Variants in VPS37A observed in about 807,000 individuals in gnomAD.
VPS37A encodes VPS37A subunit of ESCRT-I.
In VPS37A, 30 loss-of-function variants were observed where a neutral mutation model predicts 49.8. The ratio of observed to expected loss-of-function variants is 0.60; its 90% CI spans 0.45 to 0.82. The LOEUF (loss-of-function observed/expected upper bound fraction) is 0.82. Ranked by LOEUF, VPS37A falls within the 40% of genes least tolerant of loss-of-function variation. VPS37A has a pLI of 0.00. For missense variants in VPS37A, 593 were observed against 464.4 expected, an observed-to-expected ratio of 1.28 and a Z score of -2.55; for synonymous variants, 195 against 160.6, an observed-to-expected ratio of 1.21 and a Z score of -1.62.
chr8:17,277,056 A>G (rs1427443130), intron 6 of VPS37A, among the ~76,000 whole-genome samples: 2 of 152,084 alleles, frequency 1.3e-5, no homozygotes, highest in Non-Finnish European at 2.9e-5. Context: ...GATACTCATA[A>G]GGCTCTTATT....
At chr8:17,301,506 C>G (rs955900073), downstream of VPS37A, 2 of 152,134 alleles carry the variant, frequency 1.3e-5, no homozygotes, top group Non-Finnish European at 2.9e-5. Flanking sequence ...GAAAATAAAG[C>G]TGAAAAGAGA....
chr8:17,305,782 T>C (rs775057186), downstream of VPS37A: 1 of 1,613,118 alleles, frequency 6.2e-7, no homozygotes, highest in East Asian at 2.2e-5. Flanking sequence ...TCCTTTTGGC[T>C]GTTACATAGG....
chr8:17,274,163 T>A (rs1225443881), intron 4 of VPS37A, among the ~76,000 whole-genome samples: 3 of 152,264 alleles, frequency 2.0e-5, no homozygotes, highest in African/African-American at 7.2e-5. Context: ...TGTTCTGTGA[T>A]TGAATCCAAA....
chr8:17,320,940 A>C, the VPS37A span, among the ~76,000 whole-genome samples: 3 of 152,164 alleles, frequency 2.0e-5, no homozygotes, highest in African/African-American at 7.2e-5. Context: ...CCACTGCGTG[A>C]AGTCTCAGGA....
the VPS37A span, chr8:17,309,268 AT>A: frequency 6.6e-7 from 1 of 1,503,930 alleles, no homozygotes; most frequent in Non-Finnish European, 9.2e-7. Flanking sequence ...AGTCTTAAAT[AT>A]TACTTACCGG....
chr8:17,247,931 C>T, intron 1 of VPS37A: 1 of 610,772 alleles, frequency 1.6e-6, no homozygotes, highest in Non-Finnish European at 2.9e-6. Context: ...CATCTCACAG[C>T]GACCAGTGCA....
intron 2 of VPS37A, among the ~76,000 whole-genome samples, chr8:17,266,927 C>T (rs1158443832): frequency 6.6e-6 from 1 of 152,058 alleles, no homozygotes; most frequent in African/African-American, 2.4e-5. Context: ...CACGCCCCAC[C>T]ATGCCCGGCT....
At position 17,247,279 on chromosome 8, in the gene VPS37A, C is replaced by A; in HGVS notation, c.35C>A (p.Ser12Tyr). ...CTTTTTCCCCTGACCAAGAGCGCCT[C>A]CTCCTCCGCGGCTGGGTCCCCCGGT... ...SWLFPLTKSASSSAAGSPGGL... is the reference protein window; with the variant it reads ...SWLFPLTKSAYSSAAGSPGGL... The change falls in exon 1 of 12, where the codon TCC (serine) becomes TAC (tyrosine). Residue 12 changes from serine (S) to tyrosine (Y), a missense_variant. By Grantham distance (144) the Ser-to-Tyr change is moderately radical. Coordinates refer to ENST00000324849, the MANE Select transcript of VPS37A (RefSeq NM_152415.3). 2 of 1,567,908 alleles carry A rather than the reference C, an allele frequency of 1.3e-6. No homozygotes were observed. Among genetic ancestry groups the A allele is most frequent in the African/African-American group, 1.4e-5 (1 of 73,830 alleles).
chr8:17,253,189 C>G (rs1320732567), intron 1 of VPS37A, among the ~76,000 whole-genome samples: 1 of 152,190 alleles, frequency 6.6e-6, no homozygotes, highest in Non-Finnish European at 1.5e-5. Context: ...CCCCTCCCCC[C>G]AACCTGAACT....
At chr8:17,322,396 T>C in the VPS37A span, among the ~76,000 whole-genome samples, 4 of 152,234 alleles carry the variant, frequency 2.6e-5, no homozygotes, top group African/African-American at 9.6e-5. Context: ...TATTAGTATA[T>C]ATGAATGTGA....
At chr8:17,320,899 G>A in the VPS37A span, among the ~76,000 whole-genome samples, 1 of 152,176 alleles carries the variant, frequency 6.6e-6, no homozygotes, top group Admixed American at 6.5e-5. Context: ...ATGCCCCAAA[G>A]TGTTCAACTT....
intron 4 of VPS37A, chr8:17,272,084 A>G (rs755711943): frequency 8.8e-6 from 4 of 456,702 alleles, no homozygotes; most frequent in South Asian, 3.1e-5. Flanking sequence ...TGTTTTCCAT[A>G]TTATTGCATG....
At chr8:17,309,156 C>G in the VPS37A span, 2 of 678,842 alleles carry the variant, frequency 2.9e-6, no homozygotes, top group Non-Finnish European at 5.1e-6. Context: ...AAAATTTAAG[C>G]TTTCTGAATA....
At chr8:17,305,533 A>G (rs1381940808), downstream of VPS37A, among the ~76,000 whole-genome samples, 1 of 152,316 alleles carries the variant, frequency 6.6e-6, no homozygotes, top group Non-Finnish European at 1.5e-5. Context: ...CAAGCTGTCT[A>G]TCAGGCAGAA....
downstream of VPS37A, among the ~76,000 whole-genome samples, chr8:17,305,535 C>T (rs1361608807): frequency 6.6e-6 from 1 of 152,152 alleles, no homozygotes; most frequent in Non-Finnish European, 1.5e-5. Flanking sequence ...AGCTGTCTAT[C>T]AGGCAGAAAC....
chr8:17,332,246 C>T, the VPS37A span, among the ~76,000 whole-genome samples: 1 of 152,158 alleles, frequency 6.6e-6, no homozygotes, highest in African/African-American at 2.4e-5. Context: ...CTTTTAAAAG[C>T]ACAGTGCACA....
Position 17,265,968 on chromosome 8 carries a change from A to T in VPS37A, c.187A>T (p.Ile63Phe). ...GCCATTCACCATAAACAACCTGACA[A>T]TTAACATTAATATGTGAGTAGAATT... ...RLPFTINNLTININILLPPQF... is the reference protein window; with the variant it reads ...RLPFTINNLTFNINILLPPQF... The change falls in exon 2 of 12, where the codon ATT becomes TTT. Residue 63 changes from isoleucine to phenylalanine, a missense_variant. Coordinates refer to ENST00000324849, the MANE Select transcript of VPS37A (RefSeq NM_152415.3). 1 of 1,612,480 alleles carries T rather than the reference A, an allele frequency of 6.2e-7. No individual in the cohort carries two copies. The highest frequency in any genetic ancestry group is 2.2e-5 in the East Asian group (1 of 44,736).
In VPS37A at chr8:17,295,033, C is replaced by T. The variant is rs963925734; in HGVS notation, c.*47C>T. The T allele has an allele frequency of 6.6e-6, 1 of 152,628 alleles. No homozygotes were observed. Among genetic ancestry groups the T allele is most frequent in the African/African-American group, 2.4e-5 (1 of 41,442 alleles). The allele number at this position is 152,628 out of a possible 1,614,324, so 9.5% of individuals were successfully genotyped here. On this transcript the variant is annotated 3_prime_UTR_variant, in exon 12 of 12. Transcript: ENST00000324849. ...GCCAAGAGAGGAATGGGACACAAAA[C>T]CAAACACTGTTTTATATTTATGGTT...
At chr8:17,247,520 T>A (rs1811388531) in intron 1 of VPS37A, 151 bp downstream of exon 1, 2 of 1,082,044 alleles carry the variant, frequency 1.8e-6, no homozygotes, top group Admixed American at 4.3e-5. Context: ...GCTCTGCCAC[T>A]CCTGCCCCCT....
Sources: gnomAD v4.1 joint callset for allele counts (sites outside exome capture counted in the v4.1 genomes callset) on GRCh38, gnomAD v4.1.1 for gene constraint, MANE v1.5 for transcripts, NCBI Gene and HGNC (gene_info 2026-07-23, HGNC 2026-07-21) for gene names.